Variants in CFAP210 observed in about 807,000 individuals in gnomAD.
The protein encoded by CFAP210 is cilia- and flagella- associated protein 210.
the CFAP210 span, among the ~76,000 whole-genome samples, chr2:169,678,299 C>T: frequency 7.1e-6 from 1 of 140,012 alleles, no homozygotes; most frequent in South Asian, 2.3e-4. Context: ...CGAGACCTTA[C>T]CATTATACTC....
chr2:169,683,369 G>T, the CFAP210 span, among the ~76,000 whole-genome samples: 1 of 152,192 alleles, frequency 6.6e-6, no homozygotes, highest in Non-Finnish European at 1.5e-5. Flanking sequence ...TCAGAACACT[G>T]TTCTACTTAA....
chr2:169,667,003 C>T, the CFAP210 span, among the ~76,000 whole-genome samples: 1 of 152,166 alleles, frequency 6.6e-6, no homozygotes, highest in Non-Finnish European at 1.5e-5. Flanking sequence ...TTGCTATTGA[C>T]ACCACATCTG....
chr2:169,657,778 A>T, the CFAP210 span, among the ~76,000 whole-genome samples: 1 of 152,178 alleles, frequency 6.6e-6, no homozygotes, highest in African/African-American at 2.4e-5. Flanking sequence ...CATATGTCAG[A>T]TGAAGATCAT....
chr2:169,678,749 C>CG, the CFAP210 span, among the ~76,000 whole-genome samples: 3 of 151,676 alleles, frequency 2.0e-5, no homozygotes, highest in African/African-American at 7.3e-5. Flanking sequence ...TGCTTGAACC[C>CG]GGGAGGTGGA....
chr2:169,654,263 T>A, the CFAP210 span: 1 of 1,472,730 alleles, frequency 6.8e-7, no homozygotes, highest in Non-Finnish European at 9.1e-7. Context: ...AAAAATATCT[T>A]TCAACATATC....
At chr2:169,654,974 A>G in the CFAP210 span, among the ~76,000 whole-genome samples, 10 of 152,172 alleles carry the variant, frequency 6.6e-5, no homozygotes, top group Non-Finnish European at 1.5e-4. Context: ...GCATACATAT[A>G]AGAAAAAACA....
chr2:169,692,822 TTC>T, the CFAP210 span, among the ~76,000 whole-genome samples: 4 of 152,210 alleles, frequency 2.6e-5, no homozygotes, highest in Non-Finnish European at 4.4e-5. Context: ...GTGGGTCAAA[TTC>T]TGTTTTGTCC....
the CFAP210 span, chr2:169,658,192 C>CAGT: frequency 6.6e-6 from 1 of 152,150 alleles, no homozygotes; most frequent in Non-Finnish European, 1.5e-5. Context: ...ACATAACATA[C>CAGT]ACCCTTACAA....
chr2:169,691,730 T>C, the CFAP210 span, among the ~76,000 whole-genome samples: 1 of 152,244 alleles, frequency 6.6e-6, no homozygotes, highest in African/African-American at 2.4e-5. Context: ...ACTGTACATA[T>C]ATGTGTCAAC....
chr2:169,653,494 C>T, the CFAP210 span, among the ~76,000 whole-genome samples: 1 of 152,004 alleles, frequency 6.6e-6, no homozygotes, highest in Non-Finnish European at 1.5e-5. Context: ...ACAGAAACCC[C>T]CTGTACTGCA....
At chr2:169,662,353 A>G in the CFAP210 span, 1 of 1,606,084 alleles carries the variant, frequency 6.2e-7, no homozygotes, top group East Asian at 2.2e-5. Flanking sequence ...AATTTCATAT[A>G]ATGCATTCTG....
chr2:169,654,174 T>C, the CFAP210 span: 23 of 1,596,126 alleles, frequency 1.4e-5, no homozygotes, highest in African/African-American at 2.1e-4. Context: ...TTGCTGCTGC[T>C]GTTCTACAGC....
the CFAP210 span, among the ~76,000 whole-genome samples, chr2:169,667,111 C>T: frequency 1.3e-5 from 2 of 150,860 alleles, no homozygotes; most frequent in Non-Finnish European, 3.0e-5. Context: ...ATATTTTAAC[C>T]TTCTCCCATG....
chr2:169,675,139 T>C, the CFAP210 span: 1 of 889,736 alleles, frequency 1.1e-6, no homozygotes, highest in Non-Finnish European at 1.6e-6. Flanking sequence ...TATGTTTTTA[T>C]TGTATTTGTA....
the CFAP210 span, among the ~76,000 whole-genome samples, chr2:169,684,554 C>G: frequency 1.3e-5 from 2 of 152,226 alleles, no homozygotes; most frequent in Non-Finnish European, 2.9e-5. Flanking sequence ...TGGAATCATA[C>G]AATATGTGGC....
chr2:169,668,690 A>G, the CFAP210 span, among the ~76,000 whole-genome samples: 1 of 152,212 alleles, frequency 6.6e-6, no homozygotes, highest in Non-Finnish European at 1.5e-5. Flanking sequence ...AGATAGGAGA[A>G]CAGTGCTTGG....
chr2:169,670,050 C>T, the CFAP210 span, among the ~76,000 whole-genome samples: 2 of 152,226 alleles, frequency 1.3e-5, no homozygotes, highest in South Asian at 4.1e-4. Flanking sequence ...TGCAAACTAT[C>T]CTATGACCAT....
At chr2:169,662,726 A>C in the CFAP210 span, among the ~76,000 whole-genome samples, 1 of 152,230 alleles carries the variant, frequency 6.6e-6, no homozygotes, top group African/African-American at 2.4e-5. Context: ...GTAAGAAGAA[A>C]TGGTGACATT....
chr2:169,683,869 A>G, the CFAP210 span, among the ~76,000 whole-genome samples: 1 of 151,678 alleles, frequency 6.6e-6, no homozygotes, highest in Non-Finnish European at 1.5e-5. Flanking sequence ...AACCACAAAG[A>G]AAAAAAAAGC....
Sources: gnomAD v4.1 joint callset for allele counts (sites outside exome capture counted in the v4.1 genomes callset) on GRCh38, gnomAD v4.1.1 for gene constraint, MANE v1.5 for transcripts, NCBI Gene and HGNC (gene_info 2026-07-23, HGNC 2026-07-21) for gene names.